Variants in SYT9 observed in about 807,000 individuals in gnomAD.
The protein encoded by SYT9 is synaptotagmin-9.
In SYT9, 22 loss-of-function variants were observed where a neutral mutation model predicts 48.4. The observed-to-expected ratio is 0.45, with a 90% confidence interval of 0.32 to 0.65. The LOEUF (loss-of-function observed/expected upper bound fraction) is 0.65, where lower values mean the gene tolerates loss of function less well. Among genes scored for constraint, SYT9 ranks in the 30% least tolerant of loss-of-function variants. The probability of loss-of-function intolerance (pLI) is 0.03; values close to 1 mark genes in which losing one functional copy is unlikely to be tolerated. For missense variants in SYT9, 577 were observed against 622.0 expected (o/e 0.93, Z 0.77); for synonymous variants, 265 against 245.0 (o/e 1.08, Z -0.76).
At chr11:7,258,178 G>A (rs1044093442) in intron 1 of SYT9, among the ~76,000 whole-genome samples, 1 of 152,264 alleles carries the variant, frequency 6.6e-6, no homozygotes, top group East Asian at 1.9e-4. Context: ...TTCCTAACAG[G>A]TTGACTTGAG....
At chr11:7,356,467 C>T (rs1425779997) in intron 3 of SYT9, among the ~76,000 whole-genome samples, 1 of 152,148 alleles carries the variant, frequency 6.6e-6, no homozygotes, top group Non-Finnish European at 1.5e-5. Flanking sequence ...TGTTTTCTTC[C>T]TCCCAACCTT....
chr11:7,297,695 C>T (rs1056212158), intron 1 of SYT9, among the ~76,000 whole-genome samples: 1 of 152,168 alleles, frequency 6.6e-6, no homozygotes, highest in Non-Finnish European at 1.5e-5. Flanking sequence ...TAATCTCCTA[C>T]ATTCATCCTC....
At chr11:7,272,276 C>G (rs1190264392) in intron 1 of SYT9, among the ~76,000 whole-genome samples, 2 of 152,198 alleles carry the variant, frequency 1.3e-5, no homozygotes, top group Non-Finnish European at 2.9e-5. Context: ...TTAATCCCCT[C>G]AGTGGAAGCC....
chr11:7,409,243 T>C (rs943915241), intron 3 of SYT9, among the ~76,000 whole-genome samples: 3 of 152,198 alleles, frequency 2.0e-5, no homozygotes, highest in African/African-American at 7.2e-5. Context: ...GCATCCCTGG[T>C]ATAAATCCCA....
At chr11:7,423,107 G>A (rs1847384959) in intron 6 of SYT9, among the ~76,000 whole-genome samples, 1 of 152,102 alleles carries the variant, frequency 6.6e-6, no homozygotes, top group Non-Finnish European at 1.5e-5. Flanking sequence ...ATGCCTGTGG[G>A]GCTTATATGA....
intron 3 of SYT9, among the ~76,000 whole-genome samples, chr11:7,344,785 A>G (rs915555101): frequency 6.6e-6 from 1 of 152,164 alleles, no homozygotes; most frequent in African/African-American, 2.4e-5. Context: ...CTTTACTCCA[A>G]TATCACAGTG....
chr11:7,321,006 A>G (rs1027831337), intron 3 of SYT9, among the ~76,000 whole-genome samples: 5 of 152,000 alleles, frequency 3.3e-5, no homozygotes, highest in African/African-American at 1.2e-4. Context: ...TTTCTGAAAA[A>G]GTAGGCATTA....
chr11:7,256,194 T>G (rs1172198452), intron 1 of SYT9, among the ~76,000 whole-genome samples: 1 of 152,200 alleles, frequency 6.6e-6, no homozygotes, highest in Non-Finnish European at 1.5e-5. Flanking sequence ...TCTTTTTAAG[T>G]CTTTTCTTCT....
At chr11:7,411,511 T>C (rs1419339818) in intron 3 of SYT9, among the ~76,000 whole-genome samples, 1 of 152,224 alleles carries the variant, frequency 6.6e-6, no homozygotes, top group Non-Finnish European at 1.5e-5. Context: ...AGTATATACT[T>C]AAGTGGCTTT....
chr11:7,246,909 A>G (rs769573442), upstream of SYT9, among the ~76,000 whole-genome samples: 13 of 152,194 alleles, frequency 8.5e-5, no homozygotes, highest in Non-Finnish European at 1.6e-4. Context: ...CTGTAACAAA[A>G]TAGCATATAC....
chr11:7,355,834 T>G (rs1332424394), intron 3 of SYT9, among the ~76,000 whole-genome samples: 1 of 152,214 alleles, frequency 6.6e-6, no homozygotes, highest in Non-Finnish European at 1.5e-5. Flanking sequence ...TGATCCACAG[T>G]TGTACTGCTT....
chr11:7,350,652 T>C (rs1418725743), intron 3 of SYT9, among the ~76,000 whole-genome samples: 1 of 152,186 alleles, frequency 6.6e-6, no homozygotes, highest in Non-Finnish European at 1.5e-5. Context: ...GCTCATTCTC[T>C]TTTCTTTCAG....
Position 7,467,044 on chromosome 11 carries a change from C to A in SYT9, c.*244C>A. On this transcript the variant is annotated 3_prime_UTR_variant, in exon 7 of 7. Transcript: ENST00000318881. ...GAAGCATGTCTCTCATGCCAAGAAC[C>A]AAGATCGGACTATGAACAAAAACAA... 2 of 530,626 alleles carry A rather than the reference C, an allele frequency of 3.8e-6. No homozygotes were observed. The allele number at this position is 530,626 out of a possible 1,614,324, so 32.9% of individuals were successfully genotyped here. A position where few individuals can be genotyped will look rare whatever the true frequency, so the allele number is the denominator to read the frequency against.
intron 6 of SYT9, among the ~76,000 whole-genome samples, chr11:7,442,528 C>A (rs1048974351): frequency 1.3e-5 from 2 of 152,194 alleles, no homozygotes; most frequent in Non-Finnish European, 2.9e-5. Flanking sequence ...GATTTCAGCT[C>A]CTCTTTCCAC....
intron 3 of SYT9, among the ~76,000 whole-genome samples, chr11:7,382,427 T>G (rs1303788349): frequency 6.6e-6 from 1 of 152,208 alleles, no homozygotes; most frequent in African/African-American, 2.4e-5. Context: ...AGAGGAATTT[T>G]TTTTTTCCAA....
intron 3 of SYT9, among the ~76,000 whole-genome samples, chr11:7,350,893 G>A (rs916180421): frequency 1.3e-5 from 2 of 152,184 alleles, no homozygotes; most frequent in Admixed American, 6.5e-5. Flanking sequence ...ATTATTTATA[G>A]TGGATTCTTG....
At chr11:7,376,370 T>TTCCTTCCTCCTCC (rs1850454901) in intron 3 of SYT9, among the ~76,000 whole-genome samples, 1 of 146,402 alleles carries the variant, frequency 6.8e-6, no homozygotes, top group African/African-American at 2.6e-5. Context: ...CCTTCCTTCC[T>TTCCTTCCTCCTCC]CCTCCCCTCC....
intron 3 of SYT9, among the ~76,000 whole-genome samples, chr11:7,358,563 A>G (rs1850067104): frequency 6.6e-6 from 1 of 152,194 alleles, no homozygotes; most frequent in African/African-American, 2.4e-5. Context: ...ATCATTAAGA[A>G]TGATGTCTTT....
At chr11:7,264,650 A>G (rs1366203220) in intron 1 of SYT9, among the ~76,000 whole-genome samples, 1 of 152,022 alleles carries the variant, frequency 6.6e-6, no homozygotes, top group Non-Finnish European at 1.5e-5. Flanking sequence ...GATGTTTGAA[A>G]TCAAGATTCT....
Sources: gnomAD v4.1 joint callset for allele counts (sites outside exome capture counted in the v4.1 genomes callset) on GRCh38, gnomAD v4.1.1 for gene constraint, MANE v1.5 for transcripts, NCBI Gene and HGNC (gene_info 2026-07-23, HGNC 2026-07-21) for gene names.